IQCM: variants seen among roughly 807,000 people sequenced by gnomAD.
IQCM encodes IQ domain-containing protein M.
A neutral mutation model predicts 57.6 loss-of-function variants in IQCM; 45 were observed. The observed-to-expected ratio is 0.78, with a 90% CI of 0.62 to 1.00. IQCM has a LOEUF of 1.00. Ranked by LOEUF, IQCM falls within the 50% of genes least tolerant of loss-of-function variation. The pLI is 0.00. For missense variants in IQCM, 468 were observed against 511.6 expected, an observed-to-expected ratio of 0.91 and a Z score of 0.82; for synonymous variants, 148 against 158.9, an observed-to-expected ratio of 0.93 and a Z score of 0.51.
intron 12 of IQCM, among the ~76,000 whole-genome samples, chr4:149,526,069 T>C (rs1378523580): frequency 6.6e-6 from 1 of 151,914 alleles, no homozygotes; most frequent in African/African-American, 2.4e-5. Flanking sequence ...AATTTAGAAA[T>C]AAAAAGATGT....
At chr4:149,714,160 A>G (rs1414424077) in intron 5 of IQCM, among the ~76,000 whole-genome samples, 2 of 152,182 alleles carry the variant, frequency 1.3e-5, no homozygotes, top group Admixed American at 1.3e-4. Flanking sequence ...TGTAAGCAGA[A>G]TCTAACACAG....
intron 2 of IQCM, among the ~76,000 whole-genome samples, chr4:149,806,271 T>C (rs2150058648): frequency 6.6e-6 from 1 of 152,094 alleles, no homozygotes; most frequent in Middle Eastern, 3.4e-3. Context: ...TTAGTTTAGT[T>C]ATTTTTTAAG....
intron 7 of IQCM, among the ~76,000 whole-genome samples, chr4:149,634,346 T>A (rs1198246787): frequency 4.6e-5 from 7 of 152,228 alleles, no homozygotes; most frequent in Admixed American, 4.6e-4. Flanking sequence ...CTAACATGAA[T>A]GACCATGGAG....
chr4:149,487,539 A>G (rs1173545175), intron 12 of IQCM, among the ~76,000 whole-genome samples: 1 of 151,978 alleles, frequency 6.6e-6, no homozygotes, highest in Non-Finnish European at 1.5e-5. Context: ...GCTGCATTTT[A>G]AGTTTACCTA....
At chr4:149,731,989 C>T (rs1766505089) in intron 5 of IQCM, among the ~76,000 whole-genome samples, 1 of 152,124 alleles carries the variant, frequency 6.6e-6, no homozygotes, top group African/African-American at 2.4e-5. Context: ...TTATGCTTCC[C>T]TACTGCCCTA....
intron 5 of IQCM, among the ~76,000 whole-genome samples, chr4:149,719,220 T>C (rs10017846): frequency 0.19 from 29,490 of 151,820 alleles, 2,980 homozygotes; most frequent in East Asian, 0.28. Flanking sequence ...GGCACATGCC[T>C]GTAATCCCAG....
chr4:149,609,600 T>G (rs915639929), intron 8 of IQCM, among the ~76,000 whole-genome samples: 7 of 151,936 alleles, frequency 4.6e-5, no homozygotes, highest in Non-Finnish European at 1.0e-4. Context: ...TTAATGAATG[T>G]GATACATCAT....
At chr4:149,571,174 T>C (rs1751119758) in intron 9 of IQCM, among the ~76,000 whole-genome samples, 1 of 152,096 alleles carries the variant, frequency 6.6e-6, no homozygotes, top group Non-Finnish European at 1.5e-5. Flanking sequence ...AATCAGTTTG[T>C]CAGAGATAAC....
At chr4:149,505,585 A>T (rs1337015217) in intron 12 of IQCM, among the ~76,000 whole-genome samples, 2 of 152,312 alleles carry the variant, frequency 1.3e-5, no homozygotes, top group East Asian at 3.9e-4. Context: ...AATCATCTGA[A>T]ATCCTGCCAT....
intron 7 of IQCM, among the ~76,000 whole-genome samples, chr4:149,664,415 G>A (rs919826565): frequency 2.7e-4 from 41 of 152,176 alleles, no homozygotes; most frequent in African/African-American, 8.4e-4. Context: ...CAATGGAGCC[G>A]TCACTTTTTC....
At chr4:149,532,526 T>G (rs1183071563) in intron 12 of IQCM, among the ~76,000 whole-genome samples, 30 of 150,076 alleles carry the variant, frequency 2.0e-4, no homozygotes, top group Non-Finnish European at 3.1e-4. Flanking sequence ...TTTTTTTTTT[T>G]GTCCCAAGAC....
chr4:149,481,113 T>A (rs1275428427), intron 12 of IQCM, among the ~76,000 whole-genome samples: 1 of 152,206 alleles, frequency 6.6e-6, no homozygotes, highest in Admixed American at 6.5e-5. Flanking sequence ...ATTAGATTTT[T>A]TCCTAGACAG....
At chr4:149,572,592 T>C (rs1482506191) in intron 9 of IQCM, among the ~76,000 whole-genome samples, 1 of 152,028 alleles carries the variant, frequency 6.6e-6, no homozygotes, top group African/African-American at 2.4e-5. Flanking sequence ...CCATATTTCA[T>C]CTGCATTATA....
At chr4:149,440,862 A>T (rs1272264362) in intron 12 of IQCM, among the ~76,000 whole-genome samples, 1 of 152,106 alleles carries the variant, frequency 6.6e-6, no homozygotes, top group Admixed American at 6.6e-5. Flanking sequence ...CCTGTTCAAG[A>T]TGTCTATAAT....
At chr4:149,503,162 A>G (rs765642548) in intron 12 of IQCM, among the ~76,000 whole-genome samples, 7 of 152,168 alleles carry the variant, frequency 4.6e-5, no homozygotes, top group Non-Finnish European at 1.0e-4. Flanking sequence ...TCGAGGTTAC[A>G]GTGAGCTATG....
intron 10 of IQCM, among the ~76,000 whole-genome samples, chr4:149,563,087 C>T (rs553754486): frequency 1.6e-4 from 24 of 152,214 alleles, no homozygotes; most frequent in African/African-American, 5.8e-4. Flanking sequence ...AATGGGTGTG[C>T]ATTATTTATT....
chr4:149,664,900 G>C (rs1329419366), intron 7 of IQCM, among the ~76,000 whole-genome samples: 1 of 152,188 alleles, frequency 6.6e-6, no homozygotes, highest in African/African-American at 2.4e-5. Context: ...TGCTATGCCA[G>C]TGTGCACAGG....
intron 9 of IQCM, among the ~76,000 whole-genome samples, chr4:149,581,326 A>T (rs1752162493): frequency 6.9e-6 from 1 of 145,096 alleles, no homozygotes; most frequent in African/African-American, 2.5e-5. Flanking sequence ...TGTGTGTGTG[A>T]CTGCACAATA....
chr4:149,481,235 C>T (rs186653049), intron 12 of IQCM, among the ~76,000 whole-genome samples: 28 of 152,138 alleles, frequency 1.8e-4, no homozygotes, highest in Admixed American at 3.9e-4. Flanking sequence ...GTTTCCATTG[C>T]TGTGCAGAAG....
Sources: allele counts gnomAD v4.1 joint callset (sites outside exome capture counted in the v4.1 genomes callset), GRCh38; gene constraint gnomAD v4.1.1; transcripts MANE v1.5; gene names NCBI Gene and HGNC (gene_info 2026-07-23, HGNC 2026-07-21).